Variants in IL1RAPL2 observed in about 807,000 individuals in gnomAD.
IL1RAPL2 encodes the protein X-linked interleukin-1 receptor accessory protein-like 2.
Under a neutral mutation model 44.1 loss-of-function variants are expected in IL1RAPL2, and 3 were observed. The observed-to-expected ratio is 0.07, with a 90% CI of 0.03 to 0.18. The LOEUF is 0.18. Ranked by LOEUF, IL1RAPL2 falls within the 10% of genes least tolerant of loss-of-function variation. The pLI is 1.00. For missense variants in IL1RAPL2, 391 were observed against 496.4 expected, an observed-to-expected ratio of 0.79 and a Z score of 2.02; for synonymous variants, 181 against 178.8, an observed-to-expected ratio of 1.01 and a Z score of -0.10.
chrX:104,634,445 A>G (rs1320402971), intron 1 of IL1RAPL2, among the ~76,000 whole-genome samples: 1 of 111,282 alleles, frequency 9.0e-6, no homozygotes, highest in Non-Finnish European at 1.9e-5. Flanking sequence ...ACAGTGGGGT[A>G]TTAAAGTCTC....
At chrX:105,342,991 A>G (rs752766017) in intron 5 of IL1RAPL2, among the ~76,000 whole-genome samples, 8 of 111,427 alleles carry the variant, frequency 7.2e-5, no homozygotes, top group Non-Finnish European at 1.3e-4. Context: ...AGGGAAGGAC[A>G]GCAATTGGCT....
At chrX:105,318,311 C>G (rs1822450042) in intron 5 of IL1RAPL2, among the ~76,000 whole-genome samples, 2 of 111,508 alleles carry the variant, frequency 1.8e-5, no homozygotes, top group African/African-American at 6.5e-5. Context: ...GCTGAGAACA[C>G]TTAGGCACTC....
intron 6 of IL1RAPL2, among the ~76,000 whole-genome samples, chrX:105,561,568 G>A (rs1350322366): frequency 1.8e-5 from 2 of 111,575 alleles, no homozygotes; most frequent in Non-Finnish European, 3.8e-5. Context: ...CACCAGCACA[G>A]AGGAATCAAT....
In IL1RAPL2 at chrX:104,582,692, TTCTC is replaced by T. The variant is rs201958180; in HGVS notation, c.-20+15650_-20+15653del. 1.5e-4 allele frequency among the ~76,000 whole-genome samples: 15 copies of T among 98,355 alleles called. No homozygotes were observed. The South Asian group carries it at 4.9e-3, about 32-fold the overall frequency. The allele number at this position is 98,355 out of a possible 115,157, so 85.4% of individuals were successfully genotyped here. A position where few individuals can be genotyped will look rare whatever the true frequency, so the allele number is the denominator to read the frequency against. ...TTTTTCTTTCTCTTTCTTTCTTTCT[TTCTC>T]TCTCTCTCCTTTATTTCTTTCTTTC... On this transcript the variant is annotated intron_variant, in intron 1 of 10. Coordinates refer to ENST00000372582, the MANE Select transcript of IL1RAPL2 (RefSeq NM_017416.2).
intron 2 of IL1RAPL2, among the ~76,000 whole-genome samples, chrX:105,144,501 G>T (rs1647527162): frequency 9.0e-6 from 1 of 111,070 alleles, no homozygotes; most frequent in African/African-American, 3.3e-5. Context: ...CATGATAAAA[G>T]TGTAGCTCCT....
chrX:105,489,254 G>A (rs772481135), intron 6 of IL1RAPL2, among the ~76,000 whole-genome samples: 1 of 110,600 alleles, frequency 9.0e-6, no homozygotes, highest in Non-Finnish European at 1.9e-5. Context: ...GGTAAATTTA[G>A]CTTTAAATTC....
chrX:105,548,651 G>A (rs1336665614), intron 6 of IL1RAPL2, among the ~76,000 whole-genome samples: 1 of 111,477 alleles, frequency 9.0e-6, no homozygotes, highest in African/African-American at 3.3e-5. Context: ...ATAGGATGTA[G>A]CTAAGACTGT....
chrX:105,478,599 A>T (rs902020832), intron 5 of IL1RAPL2, among the ~76,000 whole-genome samples: 20 of 111,486 alleles, frequency 1.8e-4, no homozygotes, highest in Middle Eastern at 4.6e-3. Flanking sequence ...GGGGGTCAAG[A>T]TGAAATTATT....
chrX:105,080,544 T>A, intron 2 of IL1RAPL2, among the ~76,000 whole-genome samples: 1 of 108,660 alleles, frequency 9.2e-6, no homozygotes, highest in Middle Eastern at 4.6e-3. Context: ...TGTGGTGTTA[T>A]TTCTGAGGCC....
intron 2 of IL1RAPL2, among the ~76,000 whole-genome samples, chrX:104,770,722 T>C (rs922249572): frequency 1.4e-4 from 16 of 112,309 alleles, no homozygotes; most frequent in African/African-American, 5.2e-4. Context: ...GAGGAATTCG[T>C]TGAAGAGACT....
At chrX:105,617,995 G>A (rs1046798823) in intron 6 of IL1RAPL2, among the ~76,000 whole-genome samples, 1 of 110,505 alleles carries the variant, frequency 9.0e-6, no homozygotes, top group Non-Finnish European at 1.9e-5. Context: ...TTATTAACCA[G>A]AGAAGTCTTT....
chrX:105,319,926 T>C (rs1453235945), intron 5 of IL1RAPL2, among the ~76,000 whole-genome samples: 1 of 111,158 alleles, frequency 9.0e-6, no homozygotes, highest in Non-Finnish European at 1.9e-5. Flanking sequence ...ACTGACAAAA[T>C]ACCAAAATGA....
At chrX:104,805,461 A>T (rs995255080) in intron 2 of IL1RAPL2, among the ~76,000 whole-genome samples, 4 of 112,064 alleles carry the variant, frequency 3.6e-5, no homozygotes, top group Non-Finnish European at 7.5e-5. Flanking sequence ...CTACCTTAGA[A>T]TTGGACACAT....
intron 4 of IL1RAPL2, among the ~76,000 whole-genome samples, chrX:105,255,822 T>A (rs759821692): frequency 8.9e-6 from 1 of 111,863 alleles, no homozygotes; most frequent in Non-Finnish European, 1.9e-5. Flanking sequence ...TTTTCAGATA[T>A]GTTCTTCAAT....
intron 6 of IL1RAPL2, among the ~76,000 whole-genome samples, chrX:105,656,645 C>T (rs1354121997): frequency 9.0e-6 from 1 of 111,593 alleles, no homozygotes; most frequent in Admixed American, 9.5e-5. Context: ...CCTAACCAAT[C>T]ACTCATTTGG....
At chrX:105,644,114 A>G (rs1004237821) in intron 6 of IL1RAPL2, among the ~76,000 whole-genome samples, 3 of 111,171 alleles carry the variant, frequency 2.7e-5, no homozygotes, top group African/African-American at 9.8e-5. Flanking sequence ...GATGGTCTCG[A>G]TCTCCTGACC....
chrX:105,759,582 TTTTCA>T (rs1309519196), intron 10 of IL1RAPL2, among the ~76,000 whole-genome samples: 2 of 112,597 alleles, frequency 1.8e-5, no homozygotes, highest in Non-Finnish European at 3.7e-5. Context: ...TCGAATTATC[TTTTCA>T]TTTGTCTTTA....
chrX:105,432,252 C>A (rs887593342), intron 5 of IL1RAPL2, among the ~76,000 whole-genome samples: 1 of 101,325 alleles, frequency 9.9e-6, no homozygotes, highest in Admixed American at 1.2e-4. Flanking sequence ...ATCAAAACAT[C>A]TGGAAAATGT....
chrX:104,903,664 G>T (rs1923883423), intron 2 of IL1RAPL2, among the ~76,000 whole-genome samples: 1 of 110,677 alleles, frequency 9.0e-6, no homozygotes, highest in Admixed American at 9.6e-5. Flanking sequence ...TGCAACCTCT[G>T]CCTCCCAGGT....
Sources: gnomAD v4.1 joint callset for allele counts (sites outside exome capture counted in the v4.1 genomes callset) on GRCh38, gnomAD v4.1.1 for gene constraint, MANE v1.5 for transcripts, NCBI Gene and HGNC (gene_info 2026-07-23, HGNC 2026-07-21) for gene names.